COQ8A: variants seen among roughly 807,000 people sequenced by gnomAD.
COQ8A encodes coenzyme Q8A.
In COQ8A, 51 loss-of-function variants were observed where a neutral mutation model predicts 65.0. That is an observed-to-expected ratio of 0.78 (90% CI 0.63 to 0.99). The LOEUF (loss-of-function observed/expected upper bound fraction) is 0.99. Ranked by LOEUF, COQ8A falls within the 50% of genes least tolerant of loss-of-function variation. The probability of loss-of-function intolerance (pLI) is 0.00; values close to 1 mark genes in which losing one functional copy is unlikely to be tolerated. For missense variants in COQ8A, 940 were observed against 875.0 expected (o/e 1.07, Z -0.94); for synonymous variants, 371 against 353.2 (o/e 1.05, Z -0.57).
intron 1 of COQ8A, chr1:226,940,639 T>TC (rs1656632845): frequency 6.6e-6 from 1 of 152,238 alleles, no homozygotes; most frequent in South Asian, 2.1e-4. Flanking sequence ...CGTTCCTGCT[T>TC]CGGGGAGGAG....
chr1:226,977,963 C>T (rs941179658), intron 5 of COQ8A, among the ~76,000 whole-genome samples: 2 of 149,042 alleles, frequency 1.3e-5, no homozygotes, highest in Admixed American at 6.7e-5. Context: ...CCTTACATAC[C>T]CCTTGCACAC....
At position 226,984,044 on chromosome 1, in the gene COQ8A, G is replaced by GA. The variant is rs747141838; in HGVS notation, c.1257-49dup. ...GTTGGGGGGTGTGTGTGGGGGGGGG[G>GA]ACGGTGTGGAGGGCCTGTGGCTAGG... is the stretch of plus-strand genomic sequence containing the variant. On this transcript the variant is annotated intron_variant, in intron 10 of 14. Transcript: ENST00000366777. 4 of 1,340,240 alleles carry GA rather than the reference G, an allele frequency of 3.0e-6. No homozygotes were observed. In the South Asian group the frequency reaches 4.8e-5, roughly 16 times the overall value. The allele number at this position is 1,340,240 out of a possible 1,614,324, so 83.0% of individuals were successfully genotyped here.
chr1:226,951,962 G>A (rs1026179674), intron 1 of COQ8A, among the ~76,000 whole-genome samples: 33 of 152,200 alleles, frequency 2.2e-4, no homozygotes, highest in African/African-American at 7.7e-4. Flanking sequence ...CACTAATTAT[G>A]TGTCTTAATT....
intron 4 of COQ8A, among the ~76,000 whole-genome samples, chr1:226,973,798 G>T (rs890640991): frequency 2.6e-5 from 4 of 152,256 alleles, no homozygotes; most frequent in Non-Finnish European, 4.4e-5. Context: ...GGGATTTCTT[G>T]TCTATTAGAT....
intron 1 of COQ8A, among the ~76,000 whole-genome samples, chr1:226,957,173 TCTG>T (rs1418779081): frequency 7.5e-6 from 1 of 133,036 alleles, no homozygotes; most frequent in Non-Finnish European, 1.6e-5. Flanking sequence ...CTCCCTGGCT[TCTG>T]CTCTCCCTGA....
intron 4 of COQ8A, among the ~76,000 whole-genome samples, chr1:226,970,059 T>G (rs1572054057): frequency 6.6e-6 from 1 of 152,086 alleles, no homozygotes. Flanking sequence ...CTCAGGCAAT[T>G]CCCATGCCTC....
chr1:226,982,356 A>C, intron 6 of COQ8A: 1 of 758,538 alleles, frequency 1.3e-6, no homozygotes, highest in Non-Finnish European at 2.1e-6. Flanking sequence ...GAGAGGAAAA[A>C]TTGCTCTCTA....
intron 10 of COQ8A, 53 bp from the exon 11 acceptor site, chr1:226,984,041 G>A: frequency 6.6e-7 from 1 of 1,521,112 alleles, no homozygotes; most frequent in South Asian, 1.1e-5. Flanking sequence ...GTGTGGGGGG[G>A]GGGACGGTGT....
chr1:226,958,058 C>G (rs960487525), intron 1 of COQ8A: 2 of 152,166 alleles, frequency 1.3e-5, no homozygotes, highest in Non-Finnish European at 2.9e-5. Flanking sequence ...CATTTATTTA[C>G]TTTAATCGTG....
intron 1 of COQ8A, among the ~76,000 whole-genome samples, chr1:226,957,774 G>GT (rs1657899073): frequency 6.6e-6 from 1 of 152,180 alleles, no homozygotes; most frequent in Admixed American, 6.5e-5. Flanking sequence ...TAGACAGCCC[G>GT]TGGGGGTGTC....
intron 1 of COQ8A, among the ~76,000 whole-genome samples, chr1:226,942,496 A>G (rs1428045349): frequency 3.5e-5 from 5 of 142,232 alleles, no homozygotes; most frequent in African/African-American, 1.6e-4. Flanking sequence ...ATGAATAACT[A>G]TGGGCCAGTT....
intron 5 of COQ8A, 73 bp from the exon 6 acceptor site, chr1:226,981,954 T>C: frequency 1.2e-6 from 2 of 1,604,040 alleles, no homozygotes; most frequent in Non-Finnish European, 1.7e-6. Context: ...CCTCCGTCTG[T>C]ATCAGGTGGG....
At chr1:226,961,330 C>T in intron 1 of COQ8A, 47 bp from the exon 2 acceptor site, 1 of 1,606,286 alleles carries the variant, frequency 6.2e-7, no homozygotes, top group Non-Finnish European at 8.5e-7. Context: ...GTGGGTTTGG[C>T]CTGCAGAGGC....
rs113718745 is a variant in COQ8A, at chr1:226,978,105, C to T, written c.730+582C>T. On this transcript the variant is annotated intron_variant, in intron 5 of 14. Coordinates refer to ENST00000366777, the MANE Select transcript of COQ8A (RefSeq NM_020247.5). ...TGCACACCCACCGAACACCCGCACA[C>T]GTCACACACCCCCTGCACACCCACC... Among the ~76,000 whole-genome samples the T allele has an allele frequency of 9.8e-3, 1,462 of 149,732 alleles. 19 individuals are homozygous for T. The highest frequency in any genetic ancestry group is 0.03 in the African/African-American group (1,216 of 40,598).
At chr1:226,944,681 G>T (rs1656893344) in intron 1 of COQ8A, among the ~76,000 whole-genome samples, 1 of 138,342 alleles carries the variant, frequency 7.2e-6, no homozygotes, top group African/African-American at 2.7e-5. Context: ...ATCCTTTGAG[G>T]AGTTGTACCC....
At chr1:226,954,380 C>G (rs1037342866) in intron 1 of COQ8A, among the ~76,000 whole-genome samples, 9 of 152,386 alleles carry the variant, frequency 5.9e-5, no homozygotes, top group African/African-American at 2.2e-4. Flanking sequence ...CACCTCTGCT[C>G]CCCTTCCCTC....
intron 5 of COQ8A, among the ~76,000 whole-genome samples, chr1:226,979,193 C>T (rs1263163579): frequency 6.6e-6 from 1 of 152,248 alleles, no homozygotes; most frequent in African/African-American, 2.4e-5. Flanking sequence ...TCAGGACACT[C>T]ATCCCACTGA....
intron 5 of COQ8A, among the ~76,000 whole-genome samples, chr1:226,981,213 A>AG (rs1659664298): frequency 6.6e-6 from 1 of 152,218 alleles, no homozygotes; most frequent in Admixed American, 6.5e-5. Flanking sequence ...GCCTCTGGAT[A>AG]GGGGCACCTC....
At chr1:226,982,785 C>T (rs774797703) in intron 7 of COQ8A, 22 bp downstream of exon 7, 3 of 1,613,386 alleles carry the variant, frequency 1.9e-6, no homozygotes, top group East Asian at 2.2e-5. Flanking sequence ...GGGGCTCTGC[C>T]CACTCTCTGT....
Sources: gnomAD v4.1 joint callset for allele counts (sites outside exome capture counted in the v4.1 genomes callset) on GRCh38, gnomAD v4.1.1 for gene constraint, MANE v1.5 for transcripts, NCBI Gene and HGNC (gene_info 2026-07-23, HGNC 2026-07-21) for gene names.